The following ELMO1 variants were observed in gnomAD, a reference collection of about 807,000 sequenced individuals.
The protein encoded by ELMO1 is engulfment and cell motility protein 1.
Under a neutral mutation model 98.9 loss-of-function variants are expected in ELMO1, and 26 were observed. The observed-to-expected ratio is 0.26, with a 90% CI of 0.19 to 0.36. ELMO1 has a LOEUF of 0.36. Ranked by LOEUF, ELMO1 falls within the 10% of genes least tolerant of loss-of-function variation. ELMO1 has a pLI of 1.00. For synonymous variants in ELMO1, 346 were observed against 346.0 expected (o/e 1.00, Z 0.00); for missense variants, 627 against 935.2 (o/e 0.67, Z 4.30).
intron 10 of ELMO1, among the ~76,000 whole-genome samples, chr7:37,217,313 G>A (rs114901715): frequency 6.6e-6 from 1 of 152,088 alleles, no homozygotes; most frequent in African/African-American, 2.4e-5. Context: ...AGGATTCAAG[G>A]GTGATTTTAT....
At chr7:37,131,604 C>A (rs1450496376) in intron 14 of ELMO1, among the ~76,000 whole-genome samples, 2 of 152,194 alleles carry the variant, frequency 1.3e-5, no homozygotes, top group Admixed American at 6.5e-5. Context: ...CAAGGCTATA[C>A]TACATGGTAT....
At chr7:37,182,493 C>T (rs1262010143) in intron 13 of ELMO1, among the ~76,000 whole-genome samples, 6 of 109,596 alleles carry the variant, frequency 5.5e-5, no homozygotes, top group East Asian at 2.9e-4. Flanking sequence ...TTTTTTGAGA[C>T]GGAGTCTCGC....
intron 13 of ELMO1, among the ~76,000 whole-genome samples, chr7:37,209,008 G>C (rs1325052830): frequency 6.8e-6 from 1 of 147,238 alleles, no homozygotes; most frequent in African/African-American, 2.5e-5. Context: ...TTAACTTTCA[G>C]TTAAAAAAAA....
chr7:37,120,337 C>A (rs1343777354), intron 14 of ELMO1, among the ~76,000 whole-genome samples: 1 of 152,228 alleles, frequency 6.6e-6, no homozygotes, highest in African/African-American at 2.4e-5. Flanking sequence ...CGTTGCCTCA[C>A]CCGACAAGCG....
rs1404461379 is a variant in ELMO1 at position 37,364,088 on chromosome 7, C to T, written c.-73-21325G>A. Among the ~76,000 whole-genome samples, 4 of 152,320 alleles carry T rather than the reference C, an allele frequency of 2.6e-5. No individual in the cohort carries two copies. The South Asian group carries it at 8.3e-4, about 32-fold the overall frequency. Reference sequence around the variant, plus strand: ...CCTCTCTGACATAAAGGAGTCCTCTCCCCACAGAAGTCAGACAATACCCCC... The same window carrying T: ...CCTCTCTGACATAAAGGAGTCCTCTTCCCACAGAAGTCAGACAATACCCCC... On this transcript the variant is annotated intron_variant, in intron 1 of 21. Transcript: ENST00000310758.
At chr7:36,873,449 C>T (rs914422430) in intron 19 of ELMO1, among the ~76,000 whole-genome samples, 5 of 152,216 alleles carry the variant, frequency 3.3e-5, no homozygotes, top group African/African-American at 1.2e-4. Flanking sequence ...CGCACCCTCC[C>T]ACCACATTTA....
chr7:37,434,165 C>T (rs1393733794), intron 1 of ELMO1, among the ~76,000 whole-genome samples: 2 of 152,140 alleles, frequency 1.3e-5, no homozygotes, highest in African/African-American at 2.4e-5. Context: ...CAAACCTGGG[C>T]GATAAGGAGG....
intron 16 of ELMO1, among the ~76,000 whole-genome samples, chr7:36,941,501 T>G (rs556270220): frequency 6.6e-6 from 1 of 152,360 alleles, no homozygotes; most frequent in East Asian, 1.9e-4. Context: ...ACAAACATAT[T>G]AACATCTACA....
intron 15 of ELMO1, among the ~76,000 whole-genome samples, chr7:37,092,597 G>A (rs140523036): frequency 0.016 from 2,492 of 151,948 alleles, 64 homozygotes; most frequent in African/African-American, 0.057. Context: ...GGACGGTCTT[G>A]ATCTCCTGAC....
chr7:37,183,561 A>AC (rs1554436813), intron 13 of ELMO1, among the ~76,000 whole-genome samples: 4 of 151,872 alleles, frequency 2.6e-5, no homozygotes, highest in Non-Finnish European at 5.9e-5. Flanking sequence ...GACCCAGAAG[A>AC]GAGAGAGAGA....
chr7:37,013,501 C>T, intron 15 of ELMO1, 66 bp from the exon 16 acceptor site: 6 of 1,550,084 alleles, frequency 3.9e-6, no homozygotes, highest in Non-Finnish European at 5.3e-6. Flanking sequence ...AACATAACCA[C>T]AGGTATGTGC....
intron 3 of ELMO1, 129 bp from the exon 4 acceptor site, chr7:37,315,051 G>T: frequency 1.3e-6 from 1 of 745,744 alleles, no homozygotes; most frequent in Non-Finnish European, 2.2e-6. Flanking sequence ...ATACCACAAT[G>T]CAGTTCCTAA....
At chr7:37,033,204 G>GCAGTTCT (rs1794975084) in intron 15 of ELMO1, 1 of 334,702 alleles carries the variant, frequency 3.0e-6, no homozygotes, top group African/African-American at 2.1e-5. Context: ...AGTTCTGGGT[G>GCAGTTCT]GGTTTATGGT....
At chr7:37,076,032 C>A (rs183901452) in intron 15 of ELMO1, among the ~76,000 whole-genome samples, 46 of 152,312 alleles carry the variant, frequency 3.0e-4, no homozygotes, top group Admixed American at 1.9e-3. Flanking sequence ...CACATTTGTA[C>A]TACATCCCAG....
chr7:37,120,481 C>T (rs1009222303), intron 14 of ELMO1, among the ~76,000 whole-genome samples: 1 of 152,266 alleles, frequency 6.6e-6, no homozygotes, highest in African/African-American at 2.4e-5. Context: ...AAATCATATC[C>T]CACGTCTGGC....
At chr7:37,099,849 T>G (rs1333741767) in intron 14 of ELMO1, among the ~76,000 whole-genome samples, 2 of 151,526 alleles carry the variant, frequency 1.3e-5, no homozygotes, top group Admixed American at 6.6e-5. Context: ...TTTTTTTTTT[T>G]GAGATGTAGT....
At chr7:36,919,556 T>C (rs1053036112) in intron 16 of ELMO1, 1 of 356,694 alleles carries the variant, frequency 2.8e-6, no homozygotes, top group African/African-American at 2.1e-5. Context: ...CCTTGCTGGG[T>C]TGCTATGATA....
intron 15 of ELMO1, among the ~76,000 whole-genome samples, chr7:37,014,887 G>A (rs1467218049): frequency 6.6e-6 from 1 of 152,082 alleles, no homozygotes; most frequent in African/African-American, 2.4e-5. Context: ...TGCCTGCCAT[G>A]TGGATGAGCA....
chr7:36,936,122 T>C (rs766810845), intron 16 of ELMO1, among the ~76,000 whole-genome samples: 13 of 152,146 alleles, frequency 8.5e-5, no homozygotes, highest in Non-Finnish European at 1.6e-4. Flanking sequence ...CTCCTTTTAC[T>C]GTGACAGTAT....
Sources: gnomAD v4.1 joint callset for allele counts (sites outside exome capture counted in the v4.1 genomes callset) on GRCh38, gnomAD v4.1.1 for gene constraint, MANE v1.5 for transcripts, NCBI Gene and HGNC (gene_info 2026-07-23, HGNC 2026-07-21) for gene names.